The following FAM185A variants were observed in gnomAD, a reference collection of about 807,000 sequenced individuals.
The protein encoded by FAM185A is family with sequence similarity 185 member A, also known as protein FAM185A.
In FAM185A, 21 loss-of-function variants were observed where a neutral mutation model predicts 45.7. That is an observed-to-expected ratio of 0.46 (90% confidence interval 0.33 to 0.66). The LOEUF (loss-of-function observed/expected upper bound fraction) is 0.66. Ranked by LOEUF, FAM185A falls within the 30% of genes least tolerant of loss-of-function variation. The probability of loss-of-function intolerance (pLI) is 0.03; values close to 1 mark genes in which losing one functional copy is unlikely to be tolerated. For missense variants in FAM185A, 305 were observed against 485.4 expected, an observed-to-expected ratio of 0.63 and a Z score of 3.49; for synonymous variants, 117 against 194.0, an observed-to-expected ratio of 0.60 and a Z score of 3.30.
At chr7:102,831,448 T>C in the FAM185A span, among the ~76,000 whole-genome samples, 3 of 150,402 alleles carry the variant, frequency 2.0e-5, no homozygotes, top group South Asian at 4.2e-4. Context: ...TACAGAGAGT[T>C]ATCTTGTCCA....
the FAM185A span, among the ~76,000 whole-genome samples, chr7:102,847,936 T>C: frequency 2.0e-5 from 3 of 152,226 alleles, no homozygotes; most frequent in Non-Finnish European, 4.4e-5. Context: ...TTGGGTGTAA[T>C]AAATACATAT....
At chr7:102,824,917 C>T in the FAM185A span, among the ~76,000 whole-genome samples, 7 of 151,764 alleles carry the variant, frequency 4.6e-5, no homozygotes, top group Non-Finnish European at 1.0e-4. Context: ...CACCACCAAA[C>T]CTCGCTTTCA....
intron 7 of FAM185A, among the ~76,000 whole-genome samples, chr7:102,805,688 TA>T (rs1797072326): frequency 6.6e-6 from 1 of 151,142 alleles, no homozygotes; most frequent in African/African-American, 2.4e-5. Flanking sequence ...GGAAAAAAAT[TA>T]AAAATAAATA....
chr7:102,750,801 G>C (rs898445512), intron 1 of FAM185A, among the ~76,000 whole-genome samples: 5 of 152,194 alleles, frequency 3.3e-5, no homozygotes, highest in African/African-American at 9.7e-5. Context: ...GATGCCTGCA[G>C]TTACATCTTA....
At chr7:102,827,272 G>A in the FAM185A span, 5 of 349,332 alleles carry the variant, frequency 1.4e-5, no homozygotes, top group Admixed American at 1.3e-4. Flanking sequence ...AGGCCAACCA[G>A]CTCTAAGGGG....
chr7:102,848,482 A>G, the FAM185A span, among the ~76,000 whole-genome samples: 4 of 70,332 alleles, frequency 5.7e-5, no homozygotes, highest in East Asian at 1.9e-3. Context: ...CGTGAACCCA[A>G]GAGGCGGAGC....
chr7:102,786,959 G>A (rs909660289), intron 6 of FAM185A, among the ~76,000 whole-genome samples: 7 of 152,084 alleles, frequency 4.6e-5, no homozygotes, highest in Non-Finnish European at 8.8e-5. Context: ...AGTTAATATG[G>A]GGATTAAAAC....
At chr7:102,841,597 A>G in the FAM185A span, among the ~76,000 whole-genome samples, 1 of 152,234 alleles carries the variant, frequency 6.6e-6, no homozygotes, top group Admixed American at 6.5e-5. Flanking sequence ...GGAAACTGAC[A>G]AACTGTCAAA....
intron 5 of FAM185A, among the ~76,000 whole-genome samples, chr7:102,775,544 A>G (rs1301551533): frequency 1.3e-5 from 2 of 152,156 alleles, no homozygotes; most frequent in African/African-American, 2.4e-5. Context: ...TACAGATAAC[A>G]TGAGGATATA....
the FAM185A span, among the ~76,000 whole-genome samples, chr7:102,838,700 G>A: frequency 6.6e-6 from 1 of 152,174 alleles, no homozygotes; most frequent in Non-Finnish European, 1.5e-5. Flanking sequence ...ATCTAGGGTT[G>A]TGCAGGATGT....
At chr7:102,828,128 T>G in the FAM185A span, among the ~76,000 whole-genome samples, 1 of 152,190 alleles carries the variant, frequency 6.6e-6, no homozygotes, top group African/African-American at 2.4e-5. Context: ...AGAAAGTAAT[T>G]GGTAGCTTGA....
At chr7:102,839,883 T>C in the FAM185A span, among the ~76,000 whole-genome samples, 1 of 152,018 alleles carries the variant, frequency 6.6e-6, no homozygotes, top group Non-Finnish European at 1.5e-5. Context: ...AAAATAAATC[T>C]GACATTTCTA....
intron 7 of FAM185A, among the ~76,000 whole-genome samples, chr7:102,797,462 C>T (rs917389286): frequency 6.6e-5 from 10 of 152,086 alleles, no homozygotes; most frequent in South Asian, 6.2e-4. Flanking sequence ...AGTGACACAG[C>T]GAGACTCCGT....
intron 6 of FAM185A, among the ~76,000 whole-genome samples, chr7:102,783,703 T>C (rs1277532384): frequency 6.7e-6 from 1 of 150,078 alleles, no homozygotes; most frequent in African/African-American, 2.5e-5. Context: ...GGGAAATTTA[T>C]AGCACTAAAT....
At chr7:102,843,768 T>TC in the FAM185A span, among the ~76,000 whole-genome samples, 1 of 152,118 alleles carries the variant, frequency 6.6e-6, no homozygotes, top group South Asian at 2.1e-4. Flanking sequence ...AGAGCGAGAC[T>TC]CCGTCTTAAT....
At chr7:102,826,745 A>G in the FAM185A span, among the ~76,000 whole-genome samples, 39 of 68,846 alleles carry the variant, frequency 5.7e-4, no homozygotes, top group South Asian at 2.3e-3. Flanking sequence ...ATATATATAT[A>G]TATATATATA....
Position 102,770,540 on chromosome 7 carries a change from AAGAC to A in FAM185A, c.794-1866_794-1863del, listed in dbSNP as rs939924471. Among the ~76,000 whole-genome samples the A allele has an allele frequency of 4.6e-5, 7 of 151,606 alleles. 1 individual carries two copies. The highest frequency in any genetic ancestry group is 1.5e-4 in the African/African-American group (6 of 41,330). On this transcript the variant is annotated intron_variant, in intron 4 of 7. Coordinates refer to ENST00000413034, the MANE Select transcript of FAM185A (RefSeq NM_001145268.2). ...TAATAACCCTATTAAAAATGAGCAA[AAGAC>A]AGGACATTTTGCTCATTTCTCAAGA...
At chr7:102,788,169 A>G (rs919222138) in intron 7 of FAM185A, among the ~76,000 whole-genome samples, 1 of 152,070 alleles carries the variant, frequency 6.6e-6, no homozygotes, top group Non-Finnish European at 1.5e-5. Context: ...GGGTTTTACC[A>G]TGTTGGCCAG....
intron 2 of FAM185A, 34 bp downstream of exon 2, chr7:102,751,835 T>A (rs1264338778): frequency 2.2e-6 from 3 of 1,386,960 alleles, no homozygotes; most frequent in Non-Finnish European, 2.9e-6. Flanking sequence ...TTCACTATTA[T>A]TTTTTTAAAA....
Sources: allele counts gnomAD v4.1 joint callset (sites outside exome capture counted in the v4.1 genomes callset), GRCh38; gene constraint gnomAD v4.1.1; transcripts MANE v1.5; gene names NCBI Gene and HGNC (gene_info 2026-07-23, HGNC 2026-07-21).